ANKRD11: variants seen among roughly 807,000 people sequenced by gnomAD.
ANKRD11 encodes the protein ankyrin repeat domain 11, also known as ankyrin repeat domain-containing protein 11.
Under a neutral mutation model 195.7 loss-of-function variants are expected in ANKRD11, and 17 were observed. The ratio of observed to expected loss-of-function variants is 0.09; its 90% CI spans 0.06 to 0.13. The LOEUF (loss-of-function observed/expected upper bound fraction) is 0.13, where lower values mean the gene tolerates loss of function less well. ANKRD11 is among the 10% of genes least tolerant of loss of function. The pLI is 1.00. For synonymous variants in ANKRD11, 1,953 were observed against 1,528.1 expected (o/e 1.28, Z -6.49); for missense variants, 3,735 against 3,566.1 (o/e 1.05, Z -1.21).
intron 2 of ANKRD11, among the ~76,000 whole-genome samples, chr16:89,415,648 T>C (rs1366853367): frequency 1.3e-5 from 2 of 150,462 alleles, no homozygotes; most frequent in African/African-American, 2.4e-5. Flanking sequence ...GCCAACACAG[T>C]GAAACCCTAT....
intron 2 of ANKRD11, among the ~76,000 whole-genome samples, chr16:89,334,194 G>GA (rs1555545563): frequency 1.1e-5 from 1 of 90,302 alleles, no homozygotes; most frequent in Non-Finnish European, 2.3e-5. Flanking sequence ...GAGAAAGAAA[G>GA]AAAAAACACT....
intron 2 of ANKRD11, chr16:89,392,521 GAGC>G (rs1247934902): frequency 6.6e-6 from 1 of 151,998 alleles, no homozygotes; most frequent in African/African-American, 2.4e-5. Flanking sequence ...TGTTTTCCAT[GAGC>G]AGCACTGTGA....
chr16:89,279,336 C>A lies in ANKRD11; in HGVS notation c.7206G>T (p.Thr2402=). Residue 2402 remains threonine, a synonymous_variant, in exon 9 of 13, where the codon ACG becomes ACT. Coordinates refer to ENST00000301030, the MANE Select transcript of ANKRD11 (RefSeq NM_013275.6). This position sits in a 1 kb window ranked among gnomAD's most constrained non-coding sequence, Gnocchi z 5.6. The stretch of plus-strand genomic sequence containing the variant: ...TCACCTCCCGCGTCTGCTGCGTGGA[C>A]GTGTTCAGCTGCTGCTGCAGCTGCT... ...STQQLQQQLN[T]STQQTREVIQ... is the part of the protein sequence containing the mutation. 3.1e-6 allele frequency: 5 copies of A among 1,611,292 alleles called. No individual in the cohort carries two copies. Among genetic ancestry groups the A allele is most frequent in the Non-Finnish European group, 4.2e-6 (5 of 1,179,550 alleles).
chr16:89,290,578 G>A (rs2034996231), intron 6 of ANKRD11, 47 bp downstream of exon 6: 1 of 1,599,756 alleles, frequency 6.3e-7, no homozygotes, highest in South Asian at 1.1e-5. Flanking sequence ...GGGAGGCTCA[G>A]GGCTCCAGTG....
chr16:89,461,083 TAA>T (rs2056645234), intron 1 of ANKRD11, among the ~76,000 whole-genome samples: 1 of 135,872 alleles, frequency 7.4e-6, no homozygotes, highest in South Asian at 2.4e-4. Context: ...GTGACATTCA[TAA>T]GAGAAGAAAG....
At chr16:89,461,976 T>A (rs2056685120) in intron 1 of ANKRD11, among the ~76,000 whole-genome samples, 1 of 152,020 alleles carries the variant, frequency 6.6e-6, no homozygotes, top group African/African-American at 2.4e-5. Context: ...TAATCACTGG[T>A]ATACTTCCGT....
At chr16:89,336,604 A>G (rs1200103965) in intron 2 of ANKRD11, among the ~76,000 whole-genome samples, 1 of 152,168 alleles carries the variant, frequency 6.6e-6, no homozygotes, top group Non-Finnish European at 1.5e-5. Context: ...ACAAGGTTAA[A>G]GTGACGCTTT....
chr16:89,317,939 G>A (rs530822774), intron 2 of ANKRD11, among the ~76,000 whole-genome samples: 27 of 152,168 alleles, frequency 1.8e-4, no homozygotes, highest in African/African-American at 4.6e-4. Flanking sequence ...TGAAACCAGC[G>A]CAGAGCCAGG....
intron 7 of ANKRD11, 184 bp downstream of exon 7, chr16:89,288,344 C>G (rs2034796769): frequency 2.1e-6 from 2 of 975,452 alleles, no homozygotes; most frequent in African/African-American, 3.2e-5. Flanking sequence ...GCCGTCCAGG[C>G]TGACCCAGAA....
intron 2 of ANKRD11, among the ~76,000 whole-genome samples, chr16:89,379,640 C>A (rs1363591870): frequency 6.6e-6 from 1 of 152,236 alleles, no homozygotes; most frequent in African/African-American, 2.4e-5. Context: ...TGCTCCACCA[C>A]TGCTCTCTGC....
intron 2 of ANKRD11, among the ~76,000 whole-genome samples, chr16:89,347,129 C>G (rs1171798257): frequency 6.6e-6 from 1 of 151,878 alleles, no homozygotes; most frequent in Non-Finnish European, 1.5e-5. Flanking sequence ...CTCGTTGGTC[C>G]GGGCATCAGA....
chr16:89,290,620 C>T lies in ANKRD11; in HGVS notation c.601+5G>A. The T allele has an allele frequency of 6.2e-7, 1 of 1,611,502 alleles. No homozygotes were observed. On this transcript the variant is annotated splice_donor_5th_base_variant and intron_variant, in intron 6 of 12. Coordinates refer to ENST00000301030, the MANE Select transcript of ANKRD11 (RefSeq NM_013275.6). ...TCTGGCCCTTGCCAGGCACAGGGTG[C>T]CCACCTGCGAAGTCCTTGACGTTGA...
At chr16:89,289,602 T>C (rs1243302815) in intron 6 of ANKRD11, among the ~76,000 whole-genome samples, 1 of 152,166 alleles carries the variant, frequency 6.6e-6, no homozygotes, top group African/African-American at 2.4e-5. Context: ...CAGTCCAGGG[T>C]GTCGACCCAG....
chr16:89,282,400 T>G lies in ANKRD11; in HGVS notation c.4142A>C (p.Lys1381Thr), dbSNP rs773808027. ...AEKKEKGEDY[K>T]EGGSRKDSGQ... Reference sequence around the variant, plus strand: ...GGAGTCCTTCCTGCTACCGCCCTCCTTGTAATCTTCGCCCTTCTCTTTCTT... The same window carrying G: ...GGAGTCCTTCCTGCTACCGCCCTCCGTGTAATCTTCGCCCTTCTCTTTCTT... Residue 1381 changes from lysine to threonine, a missense_variant, in exon 9 of 13, where the codon AAG becomes ACG. Transcript: ENST00000301030. The G allele has an allele frequency of 3.7e-6, 6 of 1,614,212 alleles. No homozygotes were observed. The highest frequency in any genetic ancestry group is 5.1e-6 in the Non-Finnish European group (6 of 1,180,032).
In ANKRD11 at chr16:89,280,631, C is replaced by G. The variant is rs199737737; in HGVS notation, c.5911G>C (p.Val1971Leu). The change falls in exon 9 of 13, where the codon GTG becomes CTG. Residue 1971 changes from valine (V) to leucine (L), a missense_variant. Coordinates refer to ENST00000301030, the MANE Select transcript of ANKRD11 (RefSeq NM_013275.6). ...SLIGGTSENPVSWPVGSDLLL... is the reference protein window; with the variant it reads ...SLIGGTSENPLSWPVGSDLLL... The stretch of plus-strand genomic sequence containing the variant: ...AGGTCCGAGCCCACAGGCCAGCTCA[C>G]AGGGTTTTCAGAGGTGCCCCCGATC... The G allele has an allele frequency of 1.0e-4, 163 of 1,613,462 alleles. No individual in the cohort carries two copies. The highest frequency in any genetic ancestry group is 1.3e-4 in the Non-Finnish European group (153 of 1,179,908).
At chr16:89,309,261 A>G (rs2036475970) in intron 3 of ANKRD11, among the ~76,000 whole-genome samples, 1 of 152,200 alleles carries the variant, frequency 6.6e-6, no homozygotes, top group South Asian at 2.1e-4. Context: ...AGAGAATGCC[A>G]ACAGGAGCAA....
At chr16:89,360,232 T>C (rs1017605964) in intron 2 of ANKRD11, among the ~76,000 whole-genome samples, 1 of 152,228 alleles carries the variant, frequency 6.6e-6, no homozygotes, top group African/African-American at 2.4e-5. Flanking sequence ...ATAAAAGACA[T>C]GATCTCGTTC....
chr16:89,290,283 G>C (rs2034952964), intron 6 of ANKRD11, among the ~76,000 whole-genome samples: 1 of 114,480 alleles, frequency 8.7e-6, no homozygotes, highest in Non-Finnish European at 2.0e-5. Flanking sequence ...GGTAGGCTCA[G>C]GGCTCCAGCC....
intron 1 of ANKRD11, among the ~76,000 whole-genome samples, chr16:89,435,912 C>T (rs1388480769): frequency 1.3e-5 from 2 of 152,074 alleles, no homozygotes; most frequent in African/African-American, 2.4e-5. Flanking sequence ...GTGCTGGTGC[C>T]GCCCATCACC....
Sources: gnomAD v4.1 joint callset for allele counts (sites outside exome capture counted in the v4.1 genomes callset) on GRCh38, gnomAD v4.1.1 for gene constraint, Gnocchi (gnomAD v3.1) non-coding constraint, MANE v1.5 for transcripts, NCBI Gene and HGNC (gene_info 2026-07-23, HGNC 2026-07-21) for gene names.